Variants in LAMA2 observed in about 807,000 individuals in gnomAD.
LAMA2 encodes laminin subunit alpha-2.
Under a neutral mutation model 364.8 loss-of-function variants are expected in LAMA2, and 269 were observed. The observed-to-expected ratio is 0.74, with a 90% CI of 0.67 to 0.82. LAMA2 has a LOEUF of 0.82. LAMA2 is among the 40% of genes least tolerant of loss of function. The pLI is 0.00. For missense variants in LAMA2, 3,807 were observed against 3,873.2 expected (o/e 0.98, Z 0.45); for synonymous variants, 1,379 against 1,370.6 (o/e 1.01, Z -0.14).
intron 32 of LAMA2, among the ~76,000 whole-genome samples, chr6:129,359,156 C>G (rs533123202): frequency 6.9e-4 from 104 of 151,462 alleles, no homozygotes; most frequent in African/African-American, 2.3e-3. Context: ...ATTTATAGTA[C>G]TTTCAAAGTT....
chr6:129,136,731 G>A (rs1160670684), intron 4 of LAMA2, among the ~76,000 whole-genome samples: 1 of 152,134 alleles, frequency 6.6e-6, no homozygotes, highest in Non-Finnish European at 1.5e-5. Flanking sequence ...AATATTTTGT[G>A]GAAGGCAAAG....
chr6:129,009,316 T>C (rs1319990228), intron 1 of LAMA2, among the ~76,000 whole-genome samples: 2 of 152,220 alleles, frequency 1.3e-5, no homozygotes, highest in Admixed American at 1.3e-4. Flanking sequence ...TTTGGAATTA[T>C]AATTTAGATT....
At chr6:129,443,092 C>A (rs116581101) in intron 44 of LAMA2, 24 bp downstream of exon 44, 3 of 1,569,208 alleles carry the variant, frequency 1.9e-6, no homozygotes, top group South Asian at 1.2e-5. Context: ...TACTTATATA[C>A]CTTTTAGTAA....
chr6:129,205,493 TACACACACACACACACACAC>T (rs767013359), intron 12 of LAMA2, among the ~76,000 whole-genome samples: 19 of 104,274 alleles, frequency 1.8e-4, no homozygotes, highest in African/African-American at 6.0e-4. Flanking sequence ...TATATATATA[TACACACACACACACACACAC>T]ACACACACAC....
intron 1 of LAMA2, among the ~76,000 whole-genome samples, chr6:128,958,912 A>G (rs1582770086): frequency 6.6e-6 from 1 of 152,198 alleles, no homozygotes; most frequent in African/African-American, 2.4e-5. Flanking sequence ...TTTAGACATT[A>G]TCTCTTCCTT....
At chr6:129,389,739 G>A (rs1161896754) in intron 35 of LAMA2, among the ~76,000 whole-genome samples, 1 of 152,204 alleles carries the variant, frequency 6.6e-6, no homozygotes, top group Non-Finnish European at 1.5e-5. Context: ...AGGAAAGAGA[G>A]AGAATGAAAG....
At position 129,306,359 on chromosome 6, in the gene LAMA2, T is replaced by TTC. The variant is rs1554267309; in HGVS notation, c.3174+5487_3174+5488insTC. ...GTTCCAGAAAGGTGTTTTTTTTTTT[T>TTC]CCGAAGATGTTTTTGCAGAGTATGT... On this transcript the variant is annotated intron_variant, in intron 22 of 64. Coordinates refer to ENST00000421865, the MANE Select transcript of LAMA2 (RefSeq NM_000426.4). Among the ~76,000 whole-genome samples the TTC allele has an allele frequency of 1.1e-4, 17 of 150,126 alleles. 2 individuals are homozygous for TTC. Among genetic ancestry groups the TTC allele is most frequent in the Admixed American group, 9.3e-4 (14 of 15,106 alleles).
chr6:129,478,588 G>A (rs1327722567), intron 53 of LAMA2, 105 bp from the exon 54 acceptor site: 2 of 1,161,632 alleles, frequency 1.7e-6, no homozygotes, highest in Non-Finnish European at 2.6e-6. Flanking sequence ...TGATAGACAT[G>A]TGCCTGCATG....
At chr6:129,403,008 T>A (rs1373326324) in intron 39 of LAMA2, among the ~76,000 whole-genome samples, 1 of 152,188 alleles carries the variant, frequency 6.6e-6, no homozygotes, top group Non-Finnish European at 1.5e-5. Context: ...GCTGGGATTA[T>A]TACAAAGGTC....
chr6:129,432,264 T>C (rs757529181), intron 41 of LAMA2, among the ~76,000 whole-genome samples: 4 of 151,856 alleles, frequency 2.6e-5, no homozygotes, highest in Non-Finnish European at 5.9e-5. Flanking sequence ...ATGGTGGAAA[T>C]AAAAAAATAA....
chr6:129,516,047 A>T, intron 64 of LAMA2, 143 bp from the exon 65 acceptor site: 1 of 949,326 alleles, frequency 1.1e-6, no homozygotes, highest in Non-Finnish European at 1.7e-6. Flanking sequence ...CAATTCTATT[A>T]GTAAGGCTAA....
chr6:129,234,394 G>A (rs184082563), intron 12 of LAMA2, among the ~76,000 whole-genome samples: 75 of 151,894 alleles, frequency 4.9e-4, no homozygotes, highest in African/African-American at 1.7e-3. Context: ...CCCCTCAGAG[G>A]GCACCCCATT....
rs1787873915 is a variant in LAMA2, at chr6:129,049,942, T to G, written c.137T>G (p.Leu46Arg). The G allele has an allele frequency of 6.2e-7, 1 of 1,613,952 alleles. No homozygotes were observed. The highest frequency in any genetic ancestry group is 1.7e-5 in the Admixed American group (1 of 59,998). ...GGTTTATTCCCTGCTGTCCTGAATC[T>G]TGCTTCTAATGCTCTTATCACGACC... ...QRGLFPAVLN[L>R]ASNALITTNA... Residue 46 changes from leucine to arginine, a missense_variant, in exon 2 of 65, where the codon CTT (leucine) becomes CGT (arginine). Transcript: ENST00000421865.
rs753770279 is a variant in LAMA2 at position 129,369,954 on chromosome 6, T to C, written c.4923T>C (p.Asn1641=). Residue 1641 remains asparagine, a synonymous_variant, in exon 34 of 65, where the codon AAT becomes AAC. Coordinates refer to ENST00000421865, the MANE Select transcript of LAMA2 (RefSeq NM_000426.4). ...RLIQLAEGNL[N]TLVTEMNELL... is the part of the protein sequence containing the mutation. Reference sequence around the variant, plus strand: ...TTCAGCTGGCAGAGGGCAATCTGAATACACTCGTGACCGAAATGAACGAGC... The same window carrying C: ...TTCAGCTGGCAGAGGGCAATCTGAACACACTCGTGACCGAAATGAACGAGC... 4.3e-6 allele frequency: 7 copies of C among 1,614,126 alleles called. No homozygotes were observed. Among genetic ancestry groups the C allele is most frequent in the South Asian group, 1.1e-5 (1 of 91,086 alleles).
chr6:129,374,831 C>A (rs1013851274), intron 34 of LAMA2, among the ~76,000 whole-genome samples: 4 of 151,366 alleles, frequency 2.6e-5, no homozygotes, highest in Non-Finnish European at 1.5e-5. Flanking sequence ...GTGATCCACC[C>A]GCCTCAGCCT....
chr6:129,135,595 C>T (rs1186604203), intron 4 of LAMA2, among the ~76,000 whole-genome samples: 1 of 152,204 alleles, frequency 6.6e-6, no homozygotes, highest in Non-Finnish European at 1.5e-5. Context: ...GGTTGGAATA[C>T]ATGACTAATG....
At chr6:129,015,020 T>C (rs188182426) in intron 1 of LAMA2, among the ~76,000 whole-genome samples, 2 of 152,202 alleles carry the variant, frequency 1.3e-5, no homozygotes, top group East Asian at 3.9e-4. Context: ...ATAGAATATA[T>C]TCCAAAGTAA....
chr6:128,967,938 G>A (rs923442198), intron 1 of LAMA2, among the ~76,000 whole-genome samples: 3 of 152,076 alleles, frequency 2.0e-5, no homozygotes, highest in Non-Finnish European at 2.9e-5. Flanking sequence ...TTGCTCAAGG[G>A]TAAGATCACA....
intron 9 of LAMA2, among the ~76,000 whole-genome samples, chr6:129,166,249 A>T (rs1273264805): frequency 6.6e-6 from 1 of 152,220 alleles, no homozygotes; most frequent in Non-Finnish European, 1.5e-5. Context: ...AACTCCAAAC[A>T]TTAAGAAATC....
Sources: allele counts gnomAD v4.1 joint callset (sites outside exome capture counted in the v4.1 genomes callset), GRCh38; gene constraint gnomAD v4.1.1; transcripts MANE v1.5; gene names NCBI Gene and HGNC (gene_info 2026-07-23, HGNC 2026-07-21).